Variants in BNIP3L observed in about 807,000 individuals in gnomAD.
The protein encoded by BNIP3L is BCL2 interacting protein 3 like, also known as BCL2/adenovirus E1B 19 kDa protein-interacting protein 3-like.
In BNIP3L, 10 loss-of-function variants were observed where a neutral mutation model predicts 25.5. The observed-to-expected ratio is 0.39, with a 90% CI of 0.24 to 0.67. The LOEUF is 0.67. Ranked by LOEUF, BNIP3L falls within the 30% of genes least tolerant of loss-of-function variation. The probability of loss-of-function intolerance (pLI) is 0.45; values close to 1 mark genes in which losing one functional copy is unlikely to be tolerated. For synonymous variants in BNIP3L, 113 were observed against 101.2 expected, an observed-to-expected ratio of 1.12 and a Z score of -0.70; for missense variants, 215 against 270.9, an observed-to-expected ratio of 0.79 and a Z score of 1.45.
intron 1 of BNIP3L, among the ~76,000 whole-genome samples, chr8:26,390,889 A>G (rs1806092499): frequency 6.6e-6 from 1 of 152,180 alleles, no homozygotes; most frequent in Admixed American, 6.5e-5. Context: ...CACCAACTAA[A>G]ATGTTAAAGG....
chr8:26,385,527 C>T (rs1251119578), intron 1 of BNIP3L, among the ~76,000 whole-genome samples: 2 of 143,110 alleles, frequency 1.4e-5, no homozygotes. Context: ...CGCTTGAATC[C>T]GGGAGGCAGA....
chr8:26,390,484 G>A (rs1806080543), intron 1 of BNIP3L: 4 of 985,240 alleles, frequency 4.1e-6, no homozygotes, highest in Non-Finnish European at 3.6e-6. Context: ...GTAGAAACCC[G>A]TGGGAGAGAA....
chr8:26,396,211 CTT>C (rs1806239630), intron 3 of BNIP3L, among the ~76,000 whole-genome samples: 1 of 124,542 alleles, frequency 8.0e-6, no homozygotes, highest in Non-Finnish European at 1.7e-5. Context: ...CCTCTGCAGA[CTT>C]AAATGTCCCT....
chr8:26,410,874 G>A lies in BNIP3L; in HGVS notation c.*462G>A, dbSNP rs1379537504. On this transcript the variant is annotated 3_prime_UTR_variant, in exon 6 of 6. Transcript: ENST00000380629. ...TGTCTAGTTGTTTTTTTTCCCCCAA[G>A]ACAAAGGCAAGTTTCCCTAAGTTTG... The A allele has an allele frequency of 6.7e-6, 1 of 148,748 alleles. No individual in the cohort carries two copies. Among genetic ancestry groups the A allele is most frequent in the Non-Finnish European group, 1.5e-5 (1 of 67,440 alleles). 9.2% of individuals were successfully genotyped at this position (148,748 alleles called of 1,614,324 possible). A position where few individuals can be genotyped will look rare whatever the true frequency, so the allele number is the denominator to read the frequency against.
intron 5 of BNIP3L, among the ~76,000 whole-genome samples, chr8:26,409,976 T>G (rs1056407827): frequency 2.0e-5 from 3 of 152,086 alleles, no homozygotes; most frequent in Non-Finnish European, 2.9e-5. Flanking sequence ...AGCACCAGAA[T>G]AATTTCACAT....
At chr8:26,403,759 C>T (rs901432712) in intron 3 of BNIP3L, among the ~76,000 whole-genome samples, 1 of 151,758 alleles carries the variant, frequency 6.6e-6, no homozygotes, top group South Asian at 2.1e-4. Flanking sequence ...AGGCCGTTTT[C>T]AAACTCCTGG....
chr8:26,400,647 A>C (rs1249686424), intron 3 of BNIP3L, among the ~76,000 whole-genome samples: 1 of 130,342 alleles, frequency 7.7e-6, no homozygotes, highest in Non-Finnish European at 1.6e-5. Context: ...CATGGGAGAA[A>C]ATTTTCGCAA....
chr8:26,401,971 CT>C (rs1261327465), intron 3 of BNIP3L, among the ~76,000 whole-genome samples: 1 of 152,142 alleles, frequency 6.6e-6, no homozygotes, highest in Non-Finnish European at 1.5e-5. Flanking sequence ...GAACCATTAT[CT>C]TTTTCTCCTG....
At chr8:26,385,133 G>A (rs1202401401) in intron 1 of BNIP3L, among the ~76,000 whole-genome samples, 2 of 152,128 alleles carry the variant, frequency 1.3e-5, no homozygotes, top group African/African-American at 2.4e-5. Context: ...TTTTGTCAGT[G>A]TGTTATTCTA....
At chr8:26,406,285 G>A (rs987168370) in intron 3 of BNIP3L, among the ~76,000 whole-genome samples, 11 of 152,042 alleles carry the variant, frequency 7.2e-5, no homozygotes, top group South Asian at 6.2e-4. Context: ...ACATAGTTTC[G>A]AAACCTTGGA....
chr8:26,395,136 C>G, intron 2 of BNIP3L, 94 bp from the exon 3 acceptor site: 1 of 1,316,300 alleles, frequency 7.6e-7, no homozygotes, highest in Non-Finnish European at 1.1e-6. Context: ...CAAAGCCATA[C>G]TGCTGTAACT....
chr8:26,388,245 A>G (rs1403072316), intron 1 of BNIP3L, among the ~76,000 whole-genome samples: 1 of 152,238 alleles, frequency 6.6e-6, no homozygotes, highest in African/African-American at 2.4e-5. Flanking sequence ...GATATAGAAT[A>G]TAATTGTAGT....
chr8:26,392,171 G>GT (rs369100652), intron 2 of BNIP3L, among the ~76,000 whole-genome samples: 4,906 of 110,316 alleles, frequency 0.044, 162 homozygotes, highest in African/African-American at 0.099. Flanking sequence ...AAACTTTTCT[G>GT]TTTTTTTTTT....
chr8:26,394,606 T>C (rs544123517), intron 2 of BNIP3L, among the ~76,000 whole-genome samples: 1 of 152,348 alleles, frequency 6.6e-6, no homozygotes, highest in South Asian at 2.1e-4. Flanking sequence ...GTTTTACACA[T>C]TTACAAATCT....
At chr8:26,384,851 C>A (rs921492089) in intron 1 of BNIP3L, among the ~76,000 whole-genome samples, 8 of 151,888 alleles carry the variant, frequency 5.3e-5, no homozygotes, top group African/African-American at 1.5e-4. Flanking sequence ...GTGCCTGCCA[C>A]CCGCCCAGCT....
chr8:26,390,430 G>GT lies in BNIP3L; in HGVS notation c.101-810dup, dbSNP rs369005047. ...GTTTGCCTGTAGCTGATGTGCAGTT[G>GT]TTTCTGCTCCCAAATCAACAGGGTT... On this transcript the variant is annotated intron_variant, in intron 1 of 5. Coordinates refer to ENST00000380629, the MANE Select transcript of BNIP3L (RefSeq NM_004331.3). 4.6e-5 allele frequency: 45 copies of GT among 985,340 alleles called. No homozygotes were observed. The African/African-American group carries it at 7.0e-4, about 15-fold the overall frequency. The allele number at this position is 985,340 out of a possible 1,614,324, so 61.0% of individuals were successfully genotyped here. A position where few individuals can be genotyped will look rare whatever the true frequency, so the allele number is the denominator to read the frequency against.
intron 1 of BNIP3L, among the ~76,000 whole-genome samples, chr8:26,388,429 G>C (rs1262530102): frequency 6.6e-6 from 1 of 152,110 alleles, no homozygotes; most frequent in East Asian, 1.9e-4. Context: ...ACTGAGAGTG[G>C]GAGCCTGGCT....
intron 2 of BNIP3L, among the ~76,000 whole-genome samples, chr8:26,392,855 C>T (rs1201717060): frequency 6.6e-6 from 1 of 152,212 alleles, no homozygotes; most frequent in Non-Finnish European, 1.5e-5. Flanking sequence ...GTCCATGAGC[C>T]TGTTGTTCAC....
chr8:26,410,654 T>G lies in BNIP3L; in HGVS notation c.*242T>G. 2.0e-6 allele frequency: 1 copy of G among 507,624 alleles called. No homozygotes were observed. Among genetic ancestry groups the G allele is most frequent in the South Asian group, 2.4e-5 (1 of 42,006 alleles). The allele number at this position is 507,624 out of a possible 1,614,324, so 31.4% of individuals were successfully genotyped here. Reference sequence around the variant, plus strand: ...TTTCCTAACAGAGTTTACTGTTGTTTAGAAATTTGCAAGGGCTTCTTTTCC... The same window carrying G: ...TTTCCTAACAGAGTTTACTGTTGTTGAGAAATTTGCAAGGGCTTCTTTTCC... On this transcript the variant is annotated 3_prime_UTR_variant, in exon 6 of 6. Transcript: ENST00000380629.
Sources: gnomAD v4.1 joint callset for allele counts (sites outside exome capture counted in the v4.1 genomes callset) on GRCh38, gnomAD v4.1.1 for gene constraint, MANE v1.5 for transcripts, NCBI Gene and HGNC (gene_info 2026-07-23, HGNC 2026-07-21) for gene names.